The following NEGR1 variants were observed in gnomAD, a reference collection of about 807,000 sequenced individuals.
The protein encoded by NEGR1 is neuronal growth regulator 1, also known as IgLON family member 4.
NEGR1 carries 10 observed loss-of-function variants against 40.9 expected under a neutral mutation model. The ratio of observed to expected loss-of-function variants is 0.24; its 90% CI spans 0.15 to 0.42. The LOEUF (loss-of-function observed/expected upper bound fraction) is 0.42. Among genes scored for constraint, NEGR1 ranks in the 10% least tolerant of loss-of-function variants. NEGR1 has a pLI of 1.00. For missense variants in NEGR1, 352 were observed against 438.9 expected (o/e 0.80, Z 1.77); for synonymous variants, 185 against 166.8 (o/e 1.11, Z -0.84).
intron 3 of NEGR1, among the ~76,000 whole-genome samples, chr1:71,756,979 T>A (rs1655767130): frequency 1.3e-5 from 2 of 152,272 alleles, no homozygotes; most frequent in South Asian, 2.1e-4. Flanking sequence ...TTTATAAATT[T>A]ATGCAATAAT....
chr1:71,445,793 A>G (rs981881523), intron 6 of NEGR1, among the ~76,000 whole-genome samples: 3 of 152,222 alleles, frequency 2.0e-5, no homozygotes, highest in Admixed American at 6.5e-5. Flanking sequence ...GTCAAGTACA[A>G]TTCTGCAATC....
chr1:71,533,750 CT>C lies in NEGR1; in HGVS notation c.940+59066del, dbSNP rs1379752022. Among the ~76,000 whole-genome samples, 13 of 151,598 alleles carry C rather than the reference CT, an allele frequency of 8.6e-5. No homozygotes were observed. In the Middle Eastern group the frequency reaches 0.01, roughly 119 times the overall value. On this transcript the variant is annotated intron_variant, in intron 6 of 6. Coordinates refer to ENST00000357731, the MANE Select transcript of NEGR1 (RefSeq NM_173808.3). ...ACTTATCTTCTTAATAGAATTGTTT[CT>C]TTTGAAGTGTTAAATGATGGTGATA...
chr1:72,180,278 G>A (rs1437134398), intron 1 of NEGR1, among the ~76,000 whole-genome samples: 2 of 151,804 alleles, frequency 1.3e-5, no homozygotes, highest in Middle Eastern at 3.2e-3. Context: ...TAAAGTGAAT[G>A]AAACTGTACT....
chr1:72,217,201 A>C (rs998381350), intron 1 of NEGR1, among the ~76,000 whole-genome samples: 1 of 151,868 alleles, frequency 6.6e-6, no homozygotes, highest in Non-Finnish European at 1.5e-5. Context: ...GCAAAAATTA[A>C]TACAGCCCTT....
At chr1:71,897,641 A>G (rs1661009280) in intron 2 of NEGR1, among the ~76,000 whole-genome samples, 1 of 152,218 alleles carries the variant, frequency 6.6e-6, no homozygotes, top group Non-Finnish European at 1.5e-5. Context: ...TATAGAATGA[A>G]TTTACTGCCT....
chr1:71,526,987 T>C (rs1360723806), intron 6 of NEGR1, among the ~76,000 whole-genome samples: 3 of 151,606 alleles, frequency 2.0e-5, no homozygotes, highest in Admixed American at 2.0e-4. Flanking sequence ...CATTGAACTG[T>C]TTGTCTAGAA....
intron 6 of NEGR1, among the ~76,000 whole-genome samples, chr1:71,494,441 A>C (rs988540292): frequency 2.0e-5 from 3 of 152,198 alleles, no homozygotes; most frequent in Non-Finnish European, 4.4e-5. Flanking sequence ...CACAGGAAGA[A>C]GACAGCCAGA....
intron 5 of NEGR1, among the ~76,000 whole-genome samples, chr1:71,605,018 G>A (rs1022366300): frequency 6.6e-6 from 1 of 151,888 alleles, no homozygotes; most frequent in Non-Finnish European, 1.5e-5. Context: ...AGTAATTTAT[G>A]TTTACCTCAT....
At chr1:72,065,101 C>CAT (rs1340285292) in intron 1 of NEGR1, among the ~76,000 whole-genome samples, 5 of 151,968 alleles carry the variant, frequency 3.3e-5, no homozygotes, top group Admixed American at 2.6e-4. Flanking sequence ...TATACTTTTT[C>CAT]ATACACATAC....
intron 1 of NEGR1, among the ~76,000 whole-genome samples, chr1:72,210,700 A>C (rs1365846637): frequency 1.3e-5 from 2 of 151,962 alleles, no homozygotes; most frequent in Non-Finnish European, 2.9e-5. Flanking sequence ...AGAAATGTGA[A>C]TCTTTTATGA....
intron 1 of NEGR1, among the ~76,000 whole-genome samples, chr1:72,214,356 T>G (rs971638535): frequency 6.6e-6 from 1 of 152,108 alleles, no homozygotes; most frequent in African/African-American, 2.4e-5. Context: ...TTACTGGAAG[T>G]TCTGGCCAGG....
chr1:71,997,662 T>G (rs923835615), intron 1 of NEGR1, among the ~76,000 whole-genome samples: 1 of 151,920 alleles, frequency 6.6e-6, no homozygotes, highest in African/African-American at 2.4e-5. Flanking sequence ...TAACTAAGAC[T>G]CCAATAAATA....
intron 2 of NEGR1, among the ~76,000 whole-genome samples, chr1:71,847,176 A>G (rs781758422): frequency 6.6e-6 from 1 of 152,168 alleles, no homozygotes; most frequent in Non-Finnish European, 1.5e-5. Context: ...ACACTGGGGA[A>G]TAAGGCCTCA....
intron 3 of NEGR1, among the ~76,000 whole-genome samples, chr1:71,705,512 A>G (rs183193773): frequency 3.3e-5 from 5 of 152,342 alleles, no homozygotes; most frequent in Admixed American, 1.3e-4. Context: ...ACATGTGTTC[A>G]GAATGTATAA....
chr1:72,151,500 A>G (rs1007757097), intron 1 of NEGR1, among the ~76,000 whole-genome samples: 1 of 151,610 alleles, frequency 6.6e-6, no homozygotes, highest in Non-Finnish European at 1.5e-5. Context: ...CCCCACATAC[A>G]TACACACATA....
chr1:71,554,126 A>C (rs1168872885), intron 6 of NEGR1, among the ~76,000 whole-genome samples: 1 of 151,472 alleles, frequency 6.6e-6, no homozygotes. Context: ...TACTAGGGTA[A>C]TTAATTAAAT....
rs201624458 is a variant in NEGR1 at position 72,209,409 on chromosome 1, T to A, written c.176+72910A>T. On this transcript the variant is annotated intron_variant, in intron 1 of 6. Coordinates refer to ENST00000357731, the MANE Select transcript of NEGR1 (RefSeq NM_173808.3). ...TCAGACTCCAGCAATATGATTCTAA[T>A]TGGTCTCTTGATTTCTCTCTTCCTT... is the stretch of plus-strand genomic sequence containing the variant. Among the ~76,000 whole-genome samples the A allele has an allele frequency of 1.1e-4, 16 of 151,810 alleles. No homozygotes were observed. The East Asian group carries it at 2.9e-3, about 28-fold the overall frequency.
chr1:71,479,890 C>T (rs2101370403), intron 6 of NEGR1, among the ~76,000 whole-genome samples: 1 of 151,954 alleles, frequency 6.6e-6, no homozygotes, highest in Non-Finnish European at 1.5e-5. Flanking sequence ...GATTGCTTGC[C>T]TGTAAATAAA....
intron 2 of NEGR1, among the ~76,000 whole-genome samples, chr1:71,930,899 T>C (rs1645849276): frequency 6.6e-6 from 1 of 152,130 alleles, no homozygotes; most frequent in East Asian, 1.9e-4. Flanking sequence ...CTGTCCTACA[T>C]TGGGCTAAAA....
Sources: gnomAD v4.1 joint callset for allele counts (sites outside exome capture counted in the v4.1 genomes callset) on GRCh38, gnomAD v4.1.1 for gene constraint, MANE v1.5 for transcripts, NCBI Gene and HGNC (gene_info 2026-07-23, HGNC 2026-07-21) for gene names.